Variants in TBXAS1 observed in about 807,000 individuals in gnomAD.
TBXAS1 encodes thromboxane A synthase 1.
A neutral mutation model predicts 60.7 loss-of-function variants in TBXAS1; 48 were observed. The ratio of observed to expected loss-of-function variants is 0.79; its 90% CI spans 0.63 to 1.01. The LOEUF (loss-of-function observed/expected upper bound fraction) is 1.01, where lower values mean the gene tolerates loss of function less well. Among genes scored for constraint, TBXAS1 ranks in the 50% least tolerant of loss-of-function variants. TBXAS1 has a pLI of 0.00. For missense variants in TBXAS1, 685 were observed against 686.3 expected (o/e 1.00, Z 0.02); for synonymous variants, 287 against 269.7 (o/e 1.06, Z -0.63).
At chr7:139,842,375 G>C (rs7785246) in intron 1 of TBXAS1, among the ~76,000 whole-genome samples, 15,241 of 152,128 alleles carry the variant, frequency 0.1, 918 homozygotes, top group Non-Finnish European at 0.14. Flanking sequence ...GACTCTCCCA[G>C]AAATAAAATG....
chr7:139,842,656 A>G (rs976064666), intron 1 of TBXAS1, among the ~76,000 whole-genome samples: 9 of 152,236 alleles, frequency 5.9e-5, no homozygotes, highest in African/African-American at 2.2e-4. Flanking sequence ...CTGTTGCACA[A>G]CTTCCTGGTG....
chr7:139,968,889 A>G (rs1472165320), intron 9 of TBXAS1, among the ~76,000 whole-genome samples: 1 of 152,158 alleles, frequency 6.6e-6, no homozygotes, highest in Non-Finnish European at 1.5e-5. Flanking sequence ...AAACCACACC[A>G]TCTATTTAAT....
At chr7:139,981,956 A>G (rs1469716290) in intron 9 of TBXAS1, among the ~76,000 whole-genome samples, 2 of 152,248 alleles carry the variant, frequency 1.3e-5, no homozygotes, top group Admixed American at 1.3e-4. Flanking sequence ...AATTTGCATA[A>G]TACAATACAG....
upstream of TBXAS1, among the ~76,000 whole-genome samples, chr7:139,827,796 G>A (rs139766129): frequency 0.011 from 1,735 of 152,226 alleles, 12 homozygotes; most frequent in Non-Finnish European, 0.019. Context: ...TTGAGGAGCC[G>A]GAAGACAGGG....
intron 1 of TBXAS1, among the ~76,000 whole-genome samples, chr7:139,866,753 T>TA (rs112445026): frequency 3.6e-4 from 54 of 149,628 alleles, no homozygotes; most frequent in South Asian, 3.2e-3. Context: ...GTGAGAATGC[T>TA]AAAAAAAAGA....
chr7:140,018,281 G>T (rs1468963591), intron 12 of TBXAS1, among the ~76,000 whole-genome samples: 1 of 152,124 alleles, frequency 6.6e-6, no homozygotes, highest in African/African-American at 2.4e-5. Flanking sequence ...ACTTCCTCTG[G>T]CTCCTCCTGA....
rs190692105 is a variant in TBXAS1, at chr7:139,948,706, G to A, written c.451-4662G>A. ...TAGCATTGTGTATTCATCTGTGCAT[G>A]TGTGTGTGTGTGCACATGCCACGTT... On this transcript the variant is annotated intron_variant, in intron 5 of 12. Coordinates refer to ENST00000448866, the MANE Select transcript of TBXAS1 (RefSeq NM_001061.7). 1.8e-4 allele frequency among the ~76,000 whole-genome samples: 27 copies of A among 152,112 alleles called. No individual in the cohort carries two copies. The South Asian group carries it at 4.4e-3, about 25-fold the overall frequency.
At chr7:139,833,938 A>C (rs553223643) in intron 1 of TBXAS1, among the ~76,000 whole-genome samples, 1 of 152,322 alleles carries the variant, frequency 6.6e-6, no homozygotes, top group Admixed American at 6.5e-5. Flanking sequence ...ATGGATTTAA[A>C]CTATACCTTG....
chr7:139,937,376 A>G (rs1206339988), intron 5 of TBXAS1, among the ~76,000 whole-genome samples: 1 of 152,240 alleles, frequency 6.6e-6, no homozygotes, highest in African/African-American at 2.4e-5. Context: ...ATGCTCATCC[A>G]TATGGTCCTG....
chr7:140,011,412 A>G (rs1200417398), intron 10 of TBXAS1, among the ~76,000 whole-genome samples: 1 of 152,106 alleles, frequency 6.6e-6, no homozygotes, highest in African/African-American at 2.4e-5. Context: ...TAGAAATTTA[A>G]GTATTCTTCT....
At chr7:139,928,679 G>A (rs1394221743) in intron 4 of TBXAS1, among the ~76,000 whole-genome samples, 2 of 152,222 alleles carry the variant, frequency 1.3e-5, no homozygotes, top group African/African-American at 4.8e-5. Flanking sequence ...TGACAGCCAT[G>A]AAACCACCAA....
intron 9 of TBXAS1, among the ~76,000 whole-genome samples, chr7:139,970,620 T>G (rs1450838970): frequency 1.3e-5 from 2 of 152,248 alleles, no homozygotes; most frequent in Admixed American, 1.3e-4. Context: ...TTCCTGATTA[T>G]TCCATAATCA....
intron 4 of TBXAS1, among the ~76,000 whole-genome samples, chr7:139,817,239 G>A (rs77076118): frequency 0.012 from 1,761 of 149,032 alleles, 19 homozygotes; most frequent in Middle Eastern, 0.032. Context: ...TGTCTTTCTC[G>A]ACAGCACTTG....
chr7:139,958,038 G>A (rs1379789288), intron 8 of TBXAS1, among the ~76,000 whole-genome samples: 1 of 152,142 alleles, frequency 6.6e-6, no homozygotes, highest in Admixed American at 6.5e-5. Context: ...CCCCAAAACT[G>A]TCTCCCTAGT....
Position 139,955,622 on chromosome 7 carries a change from A to G in TBXAS1, c.688+15A>G. On this transcript the variant is annotated intron_variant, in intron 7 of 12. Coordinates refer to ENST00000448866, the MANE Select transcript of TBXAS1 (RefSeq NM_001061.7). ...GGTTTTACTCTGTAAGTGCGGCTGC[A>G]GCCCGGGGCGCTGCGATGACTCCAG... is the stretch of plus-strand genomic sequence containing the variant. 6.2e-7 allele frequency: 1 copy of G among 1,613,830 alleles called. No homozygotes were observed. The highest frequency in any genetic ancestry group is 8.5e-7 in the Non-Finnish European group (1 of 1,180,010).
At chr7:139,782,529 G>A (rs1454353592) in intron 2 of TBXAS1, 1 of 152,036 alleles carries the variant, frequency 6.6e-6, no homozygotes, top group African/African-American at 2.4e-5. Flanking sequence ...AAGGCCACAG[G>A]ATAGAGATAA....
At chr7:140,000,308 T>G (rs1813581203) in intron 9 of TBXAS1, among the ~76,000 whole-genome samples, 1 of 152,124 alleles carries the variant, frequency 6.6e-6, no homozygotes, top group South Asian at 2.1e-4. Context: ...AACACAAGCC[T>G]GGGCAACATA....
At chr7:139,961,640 T>G (rs1031165310) in intron 8 of TBXAS1, among the ~76,000 whole-genome samples, 16 of 152,236 alleles carry the variant, frequency 1.1e-4, no homozygotes, top group Non-Finnish European at 4.4e-5. Context: ...GCTCAATGAC[T>G]TTCACATCAG....
intron 4 of TBXAS1, among the ~76,000 whole-genome samples, chr7:139,808,240 A>G (rs1015779487): frequency 6.6e-6 from 1 of 151,884 alleles, no homozygotes; most frequent in African/African-American, 2.4e-5. Context: ...TGGGAGGCTG[A>G]GGTAGGAGAA....
Sources: allele counts gnomAD v4.1 joint callset (sites outside exome capture counted in the v4.1 genomes callset), GRCh38; gene constraint gnomAD v4.1.1; transcripts MANE v1.5; gene names NCBI Gene and HGNC (gene_info 2026-07-23, HGNC 2026-07-21).